The following SKIC3 variants were observed in gnomAD, a reference collection of about 807,000 sequenced individuals.
SKIC3 encodes the protein superkiller complex protein 3.
chr5:95,489,577 G>T, the SKIC3 span, among the ~76,000 whole-genome samples: 1 of 143,830 alleles, frequency 7.0e-6, no homozygotes, highest in Non-Finnish European at 1.5e-5. Flanking sequence ...ACAAAGAAGA[G>T]AAAATAGCAT....
At chr5:95,471,889 G>A in the SKIC3 span, among the ~76,000 whole-genome samples, 1 of 152,180 alleles carries the variant, frequency 6.6e-6, no homozygotes, top group Admixed American at 6.5e-5. Flanking sequence ...GTGGGGCCCA[G>A]TGCAAAATAA....
chr5:95,486,026 A>G, the SKIC3 span, among the ~76,000 whole-genome samples: 14 of 152,194 alleles, frequency 9.2e-5, no homozygotes, highest in Non-Finnish European at 1.6e-4. Flanking sequence ...AATTCTAGCC[A>G]TAAGACAACC....
the SKIC3 span, chr5:95,512,753 C>T: frequency 2.0e-6 from 2 of 982,970 alleles, no homozygotes; most frequent in Admixed American, 2.2e-5. Context: ...GTTAAAAGTA[C>T]CTTTAAATGA....
At chr5:95,517,326 A>T in the SKIC3 span, 5 of 1,612,050 alleles carry the variant, frequency 3.1e-6, no homozygotes, top group South Asian at 4.4e-5. Context: ...TAGAGCACTA[A>T]AAAAAGAAAC....
At chr5:95,501,709 T>C in the SKIC3 span, among the ~76,000 whole-genome samples, 1 of 151,914 alleles carries the variant, frequency 6.6e-6, no homozygotes, top group Non-Finnish European at 1.5e-5. Flanking sequence ...AGATTGTATA[T>C]ATATATATTT....
At chr5:95,546,915 G>A in the SKIC3 span, 1 of 768,302 alleles carries the variant, frequency 1.3e-6, no homozygotes, top group Non-Finnish European at 2.2e-6. Context: ...CTAACTAGAG[G>A]TTAAAAGTCC....
At chr5:95,550,438 G>C in the SKIC3 span, 1 of 145,528 alleles carries the variant, frequency 6.9e-6, no homozygotes, top group African/African-American at 2.6e-5. Context: ...AATAACAAAA[G>C]GTATTTTGTA....
the SKIC3 span, chr5:95,529,306 C>G: frequency 1.6e-6 from 1 of 616,946 alleles, no homozygotes; most frequent in Non-Finnish European, 2.9e-6. Flanking sequence ...CCTCCACCAT[C>G]TTTATCCCAA....
At chr5:95,517,556 T>C in the SKIC3 span, among the ~76,000 whole-genome samples, 1 of 152,140 alleles carries the variant, frequency 6.6e-6, no homozygotes, top group Non-Finnish European at 1.5e-5. Context: ...TTTTTGTTAC[T>C]CTTCACCATT....
chr5:95,544,339 A>G, the SKIC3 span, among the ~76,000 whole-genome samples: 2 of 152,202 alleles, frequency 1.3e-5, no homozygotes, highest in Admixed American at 1.3e-4. Context: ...CTCTAAGTCT[A>G]GTTTTACCTA....
chr5:95,526,342 A>G, the SKIC3 span, among the ~76,000 whole-genome samples: 1 of 151,878 alleles, frequency 6.6e-6, no homozygotes, highest in African/African-American at 2.4e-5. Flanking sequence ...ACGTATTCTC[A>G]AGGTGTTTAA....
At chr5:95,472,635 C>CT in the SKIC3 span, among the ~76,000 whole-genome samples, 2,471 of 145,820 alleles carry the variant, frequency 0.017, 34 homozygotes, top group African/African-American at 0.033. Context: ...CTCCTGATGC[C>CT]TTTTTTTTTT....
chr5:95,482,759 C>A, the SKIC3 span: 1 of 922,438 alleles, frequency 1.1e-6, no homozygotes. Context: ...AAAGAGAAAA[C>A]AACTGCAAAT....
the SKIC3 span, chr5:95,540,972 T>C: frequency 1.1e-6 from 1 of 894,688 alleles, no homozygotes; most frequent in East Asian, 2.7e-5. Flanking sequence ...TTTTATTTTA[T>C]TTTATTTTTT....
the SKIC3 span, among the ~76,000 whole-genome samples, chr5:95,501,877 A>T: frequency 1.3e-5 from 2 of 152,150 alleles, no homozygotes; most frequent in African/African-American, 2.4e-5. Context: ...AACATGTTAT[A>T]TATAACGATA....
the SKIC3 span, among the ~76,000 whole-genome samples, chr5:95,536,172 A>G: frequency 1.3e-5 from 2 of 152,342 alleles, no homozygotes; most frequent in African/African-American, 4.8e-5. Context: ...CAAACAAAGT[A>G]CATGAAGATA....
At chr5:95,496,497 A>C in the SKIC3 span, among the ~76,000 whole-genome samples, 1 of 152,150 alleles carries the variant, frequency 6.6e-6, no homozygotes, top group Non-Finnish European at 1.5e-5. Flanking sequence ...AGGTCTCAAG[A>C]ACTAGCAACC....
chr5:95,477,023 G>C, the SKIC3 span, among the ~76,000 whole-genome samples: 2 of 152,136 alleles, frequency 1.3e-5, no homozygotes, highest in African/African-American at 2.4e-5. Flanking sequence ...ATACTGAAAA[G>C]TAAAAAGTAA....
the SKIC3 span, chr5:95,523,916 A>G: frequency 7.5e-7 from 1 of 1,333,064 alleles, no homozygotes; most frequent in African/African-American, 1.5e-5. Context: ...ATAAATACAC[A>G]GATTAAAGAA....
Sources: gnomAD v4.1 joint callset for allele counts (sites outside exome capture counted in the v4.1 genomes callset) on GRCh38, gnomAD v4.1.1 for gene constraint, MANE v1.5 for transcripts, NCBI Gene and HGNC (gene_info 2026-07-23, HGNC 2026-07-21) for gene names.